Variants in SLC30A9 observed in about 807,000 individuals in gnomAD.
SLC30A9 encodes solute carrier family 30 member 9, also known as proton-coupled zinc antiporter SLC30A9, mitochondrial.
In SLC30A9, 58 loss-of-function variants were observed where a neutral mutation model predicts 87.5. That is an observed-to-expected ratio of 0.66 (90% CI 0.54 to 0.82). The LOEUF is 0.82. Ranked by LOEUF, SLC30A9 falls within the 40% of genes least tolerant of loss-of-function variation. The probability of loss-of-function intolerance (pLI) is 0.00; values close to 1 mark genes in which losing one functional copy is unlikely to be tolerated. For missense variants in SLC30A9, 557 were observed against 679.1 expected (o/e 0.82, Z 2.00); for synonymous variants, 234 against 233.0 (o/e 1.00, Z -0.04).
In SLC30A9 at chr4:42,088,176, G is replaced by A. The variant is rs1195917040; in HGVS notation, c.*2050G>A. ...TTGTTTATGTAAAATAAGACATAAAGGAGTACAACATATCAAGGAATTTGA... is the reference window on the plus strand; with the variant it reads ...TTGTTTATGTAAAATAAGACATAAAAGAGTACAACATATCAAGGAATTTGA... On this transcript the variant is annotated 3_prime_UTR_variant, in exon 18 of 18. Transcript: ENST00000264451. The A allele has an allele frequency of 6.6e-6, 1 of 152,138 alleles. No individual in the cohort carries two copies. The highest frequency in any genetic ancestry group is 1.5e-5 in the Non-Finnish European group (1 of 68,034). 9.4% of individuals were successfully genotyped at this position (152,138 alleles called of 1,614,324 possible).
chr4:41,993,976 G>A (rs1560531573), intron 1 of SLC30A9, among the ~76,000 whole-genome samples: 1 of 152,088 alleles, frequency 6.6e-6, no homozygotes, highest in Non-Finnish European at 1.5e-5. Flanking sequence ...GGCCAACATG[G>A]TGAAACCCCA....
intron 9 of SLC30A9, among the ~76,000 whole-genome samples, chr4:42,055,541 C>T (rs1482145269): frequency 2.0e-5 from 3 of 152,194 alleles, no homozygotes; most frequent in Non-Finnish European, 4.4e-5. Context: ...CGCCCGCCAC[C>T]ACGCCCGGCT....
intron 1 of SLC30A9, among the ~76,000 whole-genome samples, chr4:41,991,814 A>G (rs369844777): frequency 1.2e-3 from 187 of 152,320 alleles, no homozygotes; most frequent in African/African-American, 4.4e-3. Flanking sequence ...CGGAAGTTGC[A>G]GTCATTCGAG....
At chr4:42,018,375 A>G (rs1715807873) in intron 3 of SLC30A9, 2 of 1,240,064 alleles carry the variant, frequency 1.6e-6, no homozygotes, top group Non-Finnish European at 2.2e-6. Context: ...TTTTGTCACA[A>G]ATTTTTTCAA....
At chr4:42,051,367 G>A (rs902897964) in intron 9 of SLC30A9, among the ~76,000 whole-genome samples, 1 of 152,180 alleles carries the variant, frequency 6.6e-6, no homozygotes, top group East Asian at 1.9e-4. Flanking sequence ...ACAGTGTTTA[G>A]CATCCAATAA....
chr4:42,011,751 T>C lies in SLC30A9; in HGVS notation c.275-6360T>C, dbSNP rs561129805. Among the ~76,000 whole-genome samples the C allele has an allele frequency of 1.6e-4, 25 of 152,294 alleles. 1 individual carries two copies. Among genetic ancestry groups the C allele is most frequent in the African/African-American group, 5.3e-4 (22 of 41,572 alleles). On this transcript the variant is annotated intron_variant, in intron 2 of 17. Transcript: ENST00000264451. ...AGTTTAATGTTCTCAAAAGGTTAAA[T>C]GAAGGACTCATATTCATTAAAAATG...
intron 2 of SLC30A9, among the ~76,000 whole-genome samples, chr4:42,005,869 A>G (rs928547998): frequency 6.6e-6 from 1 of 152,214 alleles, no homozygotes; most frequent in Non-Finnish European, 1.5e-5. Flanking sequence ...AGCAAATGAG[A>G]ATGACTCAGA....
At chr4:42,084,050 G>A (rs1277327650) in intron 17 of SLC30A9, among the ~76,000 whole-genome samples, 1 of 152,160 alleles carries the variant, frequency 6.6e-6, no homozygotes, top group Admixed American at 6.5e-5. Flanking sequence ...CAAGTAATAT[G>A]CACATGGTCC....
intron 6 of SLC30A9, among the ~76,000 whole-genome samples, chr4:42,032,948 A>G (rs1243857951): frequency 6.6e-6 from 1 of 152,210 alleles, no homozygotes; most frequent in East Asian, 1.9e-4. Flanking sequence ...GTCTCTACAC[A>G]CATAGAGAAT....
At position 42,002,456 on chromosome 4, in the gene SLC30A9, C is replaced by G. The variant is rs181201099; in HGVS notation, c.274+676C>G. Among the ~76,000 whole-genome samples the G allele has an allele frequency of 6.6e-5, 10 of 151,928 alleles. No individual in the cohort carries two copies. The East Asian group carries it at 1.7e-3, about 26-fold the overall frequency. ...TCCCTCATCTAGTAGTCCCCATTGCCTATTTTTGCTATCTTTATGTTCATG... is the reference window on the plus strand; with the variant it reads ...TCCCTCATCTAGTAGTCCCCATTGCGTATTTTTGCTATCTTTATGTTCATG... On this transcript the variant is annotated intron_variant, in intron 2 of 17. Transcript: ENST00000264451.
chr4:42,023,351 T>C lies in SLC30A9; in HGVS notation c.577T>C (p.Leu193=). ...TGAAGCTCTTGCCAGAGAGAAAAAA[T>C]TGCGTAAGGAAGCAGAAATAGAATA... The part of the protein sequence containing the change: ...SPEALAREKK[L]RKEAEIEYRE... The change falls in exon 6 of 18, where the codon TTG becomes CTG. Residue 193 remains leucine, a synonymous_variant. Transcript: ENST00000264451. 1 of 1,613,168 alleles carries C rather than the reference T, an allele frequency of 6.2e-7. No homozygotes were observed. Among genetic ancestry groups the C allele is most frequent in the Admixed American group, 1.7e-5 (1 of 59,992 alleles).
intron 6 of SLC30A9, among the ~76,000 whole-genome samples, chr4:42,033,385 T>A (rs894856057): frequency 6.6e-6 from 1 of 151,960 alleles, no homozygotes; most frequent in African/African-American, 2.4e-5. Context: ...ATGCCTATAA[T>A]CCCGGGACTT....
At chr4:42,050,792 C>G (rs371333008) in intron 9 of SLC30A9, among the ~76,000 whole-genome samples, 50 of 152,300 alleles carry the variant, frequency 3.3e-4, no homozygotes, top group African/African-American at 1.1e-3. Context: ...ATTATTTGAA[C>G]TCTCTGATCT....
intron 15 of SLC30A9, among the ~76,000 whole-genome samples, chr4:42,074,592 G>A (rs1577722925): frequency 6.6e-6 from 1 of 152,118 alleles, no homozygotes; most frequent in East Asian, 1.9e-4. Flanking sequence ...GAAGAGCTGG[G>A]CTGGGGAGTC....
In SLC30A9 at chr4:42,088,724, G is replaced by A. The variant is rs1719007494; in HGVS notation, c.*2598G>A. 6.6e-6 allele frequency: 1 copy of A among 152,292 alleles called. No individual in the cohort carries two copies. 9.4% of individuals were successfully genotyped at this position (152,292 alleles called of 1,614,324 possible). A position where few individuals can be genotyped will look rare whatever the true frequency, so the allele number is the denominator to read the frequency against. On this transcript the variant is annotated 3_prime_UTR_variant, in exon 18 of 18. Coordinates refer to ENST00000264451, the MANE Select transcript of SLC30A9 (RefSeq NM_006345.4). Reference sequence around the variant, plus strand: ...GTATTCATGAGAACTCCACCCCCGTGATCCAGTCATCTCCCACCAGGCCCT... The same window carrying A: ...GTATTCATGAGAACTCCACCCCCGTAATCCAGTCATCTCCCACCAGGCCCT...
chr4:42,004,225 T>C (rs1715103906), intron 2 of SLC30A9, among the ~76,000 whole-genome samples: 1 of 152,330 alleles, frequency 6.6e-6, no homozygotes. Context: ...CATTTTAAAT[T>C]TGATTAGCTT....
intron 2 of SLC30A9, among the ~76,000 whole-genome samples, chr4:42,012,549 C>T (rs974860891): frequency 1.3e-5 from 2 of 152,026 alleles, no homozygotes; most frequent in Non-Finnish European, 2.9e-5. Context: ...GTGAAATAAG[C>T]GCGTGATGGA....
At chr4:42,040,912 G>A (rs575059082) in intron 8 of SLC30A9, among the ~76,000 whole-genome samples, 2 of 151,994 alleles carry the variant, frequency 1.3e-5, no homozygotes, top group African/African-American at 4.8e-5. Context: ...CCATTTTCAC[G>A]CTGCTGATAA....
Position 42,086,763 on chromosome 4 carries a change from T to TTAGG in SLC30A9, c.*639_*642dup, listed in dbSNP as rs1560565033. ...AATGAAGACATCTCAGTACACTCTT[T>TTAGG]TAGGTCATAGTAGTTGCCATTTTGT... is the stretch of plus-strand genomic sequence containing the variant. On this transcript the variant is annotated 3_prime_UTR_variant, in exon 18 of 18. Transcript: ENST00000264451. 1 of 152,798 alleles carries TTAGG rather than the reference T, an allele frequency of 6.5e-6. No individual in the cohort carries two copies. The highest frequency in any genetic ancestry group is 1.9e-4 in the East Asian group (1 of 5,190). The allele number at this position is 152,798 out of a possible 1,614,324, so 9.5% of individuals were successfully genotyped here. A position where few individuals can be genotyped will look rare whatever the true frequency, so the allele number is the denominator to read the frequency against.
Sources: gnomAD v4.1 joint callset for allele counts (sites outside exome capture counted in the v4.1 genomes callset) on GRCh38, gnomAD v4.1.1 for gene constraint, MANE v1.5 for transcripts, NCBI Gene and HGNC (gene_info 2026-07-23, HGNC 2026-07-21) for gene names.